The following BDH1 variants were observed in gnomAD, a reference collection of about 807,000 sequenced individuals.
BDH1 encodes 3-hydroxybutyrate dehydrogenase 1, also known as D-beta-hydroxybutyrate dehydrogenase, mitochondrial.
Under a neutral mutation model 33.1 loss-of-function variants are expected in BDH1, and 30 were observed. The ratio of observed to expected loss-of-function variants is 0.91; its 90% CI spans 0.68 to 1.23. The LOEUF (loss-of-function observed/expected upper bound fraction) is 1.23, where lower values mean the gene tolerates loss of function less well. Among genes scored for constraint, BDH1 ranks in the 50% most tolerant of loss-of-function variants. The pLI is 0.00. For missense variants in BDH1, 443 were observed against 464.4 expected, an observed-to-expected ratio of 0.95 and a Z score of 0.42; for synonymous variants, 190 against 183.6, an observed-to-expected ratio of 1.03 and a Z score of -0.28.
At chr3:197,564,944 T>TA in intron 1 of BDH1, among the ~76,000 whole-genome samples, 1 of 152,312 alleles carries the variant, frequency 6.6e-6, no homozygotes, top group African/African-American at 2.4e-5. Flanking sequence ...GTTTTTGAGA[T>TA]AGAGTTTCGC....
chr3:197,536,092 A>G (rs1280194229), intron 3 of BDH1, among the ~76,000 whole-genome samples: 2 of 152,086 alleles, frequency 1.3e-5, no homozygotes, highest in East Asian at 1.9e-4. Flanking sequence ...TCTTAAGTCT[A>G]TGATCCATTA....
In BDH1 at chr3:197,510,614, G is replaced by GTGTGTGTC. The variant is rs1711842812; in HGVS notation, c.*1280_*1281insGACACACA. 1 of 36,020 alleles carries GTGTGTGTC rather than the reference G, an allele frequency of 2.8e-5. No homozygotes were observed. Among genetic ancestry groups the GTGTGTGTC allele is most frequent in the African/African-American group, 1.6e-4 (1 of 6,280 alleles). The allele number at this position is 36,020 out of a possible 1,614,324, so 2.2% of individuals were successfully genotyped here. A position where few individuals can be genotyped will look rare whatever the true frequency, so the allele number is the denominator to read the frequency against. On this transcript the variant is annotated 3_prime_UTR_variant, in exon 8 of 8. Transcript: ENST00000392379. ...GCAGAACAGGGGTGTGTGTGTGTGTGTGTGTGTGTGTGTGTGTGTGTGTGT... is the reference window on the plus strand; with the variant it reads ...GCAGAACAGGGGTGTGTGTGTGTGTGTGTGTGTCTGTGTGTGTGTGTGTGTGTGTGTGT...
intron 1 of BDH1, among the ~76,000 whole-genome samples, chr3:197,567,550 G>A (rs1034668631): frequency 3.9e-5 from 6 of 152,306 alleles, no homozygotes; most frequent in African/African-American, 1.4e-4. Context: ...TACATATGTT[G>A]ATTGCTTCTC....
Position 197,522,512 on chromosome 3 carries a change from G to A in BDH1, c.409+128C>T. On this transcript the variant is annotated intron_variant, in intron 6 of 7. Transcript: ENST00000392379. The surrounding 1 kb of genome is among the most constrained non-coding windows in gnomAD (Gnocchi z 4.8). ...TAATCCTCTTCCTCCTACTGTGCAG[G>A]AGGAAGAGCCTAAACAATAAGGAAG... 8.2e-7 allele frequency: 1 copy of A among 1,214,336 alleles called. No individual in the cohort carries two copies. Among genetic ancestry groups the A allele is most frequent in the Non-Finnish European group, 1.2e-6 (1 of 857,736 alleles). The allele number at this position is 1,214,336 out of a possible 1,614,324, so 75.2% of individuals were successfully genotyped here.
chr3:197,522,233 C>G lies in BDH1; in HGVS notation c.409+407G>C, dbSNP rs902493710. On this transcript the variant is annotated intron_variant, in intron 6 of 7. Transcript: ENST00000392379. The surrounding 1 kb of genome is among the most constrained non-coding windows in gnomAD (Gnocchi z 4.8). ...ACTGACCCCTCCTTCCTGTGCTGCT[C>G]TGCCTCTCTCAATGCACGGCTCCCT... is the stretch of plus-strand genomic sequence containing the variant. 5.9e-5 allele frequency among the ~76,000 whole-genome samples: 9 copies of G among 152,186 alleles called. No homozygotes were observed. In the South Asian group the frequency reaches 1.4e-3, roughly 25 times the overall value.
At chr3:197,553,791 A>C (rs1716768699) in intron 2 of BDH1, among the ~76,000 whole-genome samples, 1 of 152,190 alleles carries the variant, frequency 6.6e-6, no homozygotes, top group African/African-American at 2.4e-5. Context: ...AACTGATTAG[A>C]ATTGGTAAGT....
chr3:197,564,293 G>GT (rs1717361260), intron 1 of BDH1, among the ~76,000 whole-genome samples: 1 of 151,760 alleles, frequency 6.6e-6, no homozygotes, highest in African/African-American at 2.4e-5. Flanking sequence ...AACAGTCTGT[G>GT]TAAGTCACAA....
intron 6 of BDH1, among the ~76,000 whole-genome samples, chr3:197,519,142 C>T (rs955510197): frequency 2.0e-5 from 3 of 152,010 alleles, no homozygotes; most frequent in African/African-American, 7.3e-5. Context: ...CTCCATCCCA[C>T]AGCATGGTAG....
At chr3:197,556,540 C>T (rs1560344403), upstream of BDH1, among the ~76,000 whole-genome samples, 1 of 152,142 alleles carries the variant, frequency 6.6e-6, no homozygotes, top group Non-Finnish European at 1.5e-5. Flanking sequence ...CGGTGGCGCA[C>T]GCCTGTAATC....
chr3:197,524,807 GA>G (rs1029690499), intron 5 of BDH1, among the ~76,000 whole-genome samples: 6 of 152,088 alleles, frequency 3.9e-5, no homozygotes, highest in African/African-American at 1.4e-4. Flanking sequence ...CCCGGCATTG[GA>G]CAGGAGGTCG....
Position 197,512,241 on chromosome 3 carries a change from AG to A in BDH1, c.685del (p.Leu229TrpfsTer3), listed in dbSNP as rs1002260866. 5.6e-6 allele frequency: 9 copies of A among 1,613,530 alleles called. No homozygotes were observed. The highest frequency in any genetic ancestry group is 2.7e-5 in the African/African-American group (2 of 74,930). On this transcript the variant is annotated frameshift_variant, in exon 8 of 8. Coordinates refer to ENST00000392379, the MANE Select transcript of BDH1 (RefSeq NM_203314.3). LOFTEE classifies it high-confidence loss of function. Reference sequence around the variant, plus strand: ...CTCCACCACGCTGACCTTCACGCCCAGGGGGTACATCTCATAGCGCAGGCAG... The same window carrying A: ...CTCCACCACGCTGACCTTCACGCCCAGGGGTACATCTCATAGCGCAGGCAG... ...SDCLRYEMYP[L>X]GVKVSVVEPG...
At chr3:197,524,532 G>A (rs926996628) in intron 5 of BDH1, among the ~76,000 whole-genome samples, 3 of 152,228 alleles carry the variant, frequency 2.0e-5, no homozygotes, top group South Asian at 2.1e-4. Flanking sequence ...GGTGCTGGAC[G>A]TAGTCACCCC....
At chr3:197,532,690 G>A (rs1714780522) in intron 4 of BDH1, among the ~76,000 whole-genome samples, 168 bp from the exon 5 acceptor site, 1 of 152,210 alleles carries the variant, frequency 6.6e-6, no homozygotes, top group Non-Finnish European at 1.5e-5. Flanking sequence ...ATAGTGGAAA[G>A]GCCAGGTTCT....
chr3:197,568,844 G>A (rs1276437535), intron 1 of BDH1, among the ~76,000 whole-genome samples: 1 of 151,974 alleles, frequency 6.6e-6, no homozygotes, highest in East Asian at 1.9e-4. Context: ...TGCACTGATT[G>A]AGTCCTTATA....
At chr3:197,568,823 T>C (rs1343521103) in intron 1 of BDH1, among the ~76,000 whole-genome samples, 1 of 152,160 alleles carries the variant, frequency 6.6e-6, no homozygotes, top group Non-Finnish European at 1.5e-5. Flanking sequence ...AATTTATTCA[T>C]TCATTCAGTT....
At chr3:197,568,433 G>C (rs909313055) in intron 1 of BDH1, among the ~76,000 whole-genome samples, 1 of 152,046 alleles carries the variant, frequency 6.6e-6, no homozygotes, top group African/African-American at 2.4e-5. Context: ...GTGGTGCTCA[G>C]AATCTAGTGT....
intron 3 of BDH1, among the ~76,000 whole-genome samples, chr3:197,537,243 C>G (rs1050847303): frequency 6.6e-6 from 1 of 152,204 alleles, no homozygotes; most frequent in Non-Finnish European, 1.5e-5. Context: ...CCCACCTCAT[C>G]CTCCCAAAGT....
At chr3:197,545,878 T>A in intron 3 of BDH1, among the ~76,000 whole-genome samples, 1 of 152,254 alleles carries the variant, frequency 6.6e-6, no homozygotes, top group Middle Eastern at 3.2e-3. Flanking sequence ...GGCTCATGCC[T>A]GTAAACCTAG....
intron 2 of BDH1, among the ~76,000 whole-genome samples, chr3:197,549,525 A>G (rs1716376299): frequency 6.6e-6 from 1 of 152,224 alleles, no homozygotes; most frequent in Non-Finnish European, 1.5e-5. Flanking sequence ...GAGGCAAGGT[A>G]TCCGCAGCAA....
Sources: gnomAD v4.1 joint callset for allele counts (sites outside exome capture counted in the v4.1 genomes callset) on GRCh38, gnomAD v4.1.1 for gene constraint, Gnocchi (gnomAD v3.1) non-coding constraint, MANE v1.5 for transcripts, NCBI Gene and HGNC (gene_info 2026-07-23, HGNC 2026-07-21) for gene names.